The following C6orf62 variants were observed in gnomAD, a reference collection of about 807,000 sequenced individuals.
C6orf62 encodes the protein uncharacterized protein C6orf62.
In C6orf62, 16 loss-of-function variants were observed where a neutral mutation model predicts 26.8. That is an observed-to-expected ratio of 0.60 (90% CI 0.40 to 0.91). C6orf62 has a LOEUF of 0.91. Ranked by LOEUF, C6orf62 falls within the 40% of genes least tolerant of loss-of-function variation. The pLI is 0.00. For missense variants in C6orf62, 192 were observed against 271.4 expected (o/e 0.71, Z 2.06); for synonymous variants, 112 against 91.5 (o/e 1.22, Z -1.28).
Position 24,705,147 on chromosome 6 carries a change from G to C in C6orf62, c.*990C>G, listed in dbSNP as rs1778982300. 1 of 150,582 alleles carries C rather than the reference G, an allele frequency of 6.6e-6. No homozygotes were observed. Among genetic ancestry groups the C allele is most frequent in the African/African-American group, 2.4e-5 (1 of 40,966 alleles). 9.3% of individuals were successfully genotyped at this position (150,582 alleles called of 1,614,324 possible). On this transcript the variant is annotated 3_prime_UTR_variant, in exon 5 of 5. Transcript: ENST00000378119. ...AAATGAGTTCTGCTTTTAGAACTTT[G>C]ACACTCAATGGTTAATTTTACAATT...
Position 24,705,299 on chromosome 6 carries a change from CTT to C in C6orf62, c.*836_*837del, listed in dbSNP as rs1448318990. 5 of 152,394 alleles carry C rather than the reference CTT, an allele frequency of 3.3e-5. No individual in the cohort carries two copies. The highest frequency in any genetic ancestry group is 4.8e-5 in the African/African-American group (2 of 41,328). The allele number at this position is 152,394 out of a possible 1,614,324, so 9.4% of individuals were successfully genotyped here. Reference sequence around the variant, plus strand: ...ATTTTTTTCTTTGTAATAAAAATCTCTTCTCTGTAAAACCAAAAACAAAACAA... The same window carrying C: ...ATTTTTTTCTTTGTAATAAAAATCTCCTCTGTAAAACCAAAAACAAAACAA... On this transcript the variant is annotated 3_prime_UTR_variant, in exon 5 of 5. Transcript: ENST00000378119.
chr6:24,712,400 G>T (rs1779138686), intron 3 of C6orf62, among the ~76,000 whole-genome samples: 1 of 151,842 alleles, frequency 6.6e-6, no homozygotes, highest in East Asian at 1.9e-4. Flanking sequence ...GACGGGCATG[G>T]TGGCTCATAC....
chr6:24,707,889 T>TA (rs1422874880), intron 4 of C6orf62, among the ~76,000 whole-genome samples: 1 of 151,628 alleles, frequency 6.6e-6, no homozygotes, highest in African/African-American at 2.4e-5. Flanking sequence ...CGGGCACCTG[T>TA]AGTCCCAGCT....
chr6:24,715,266 T>C (rs964955460), intron 2 of C6orf62, among the ~76,000 whole-genome samples: 1 of 152,182 alleles, frequency 6.6e-6, no homozygotes, highest in African/African-American at 2.4e-5. Flanking sequence ...ATCTCCAGCA[T>C]TCTCCCCAAG....
At chr6:24,719,173 AAAC>A, upstream of C6orf62, 1 of 985,498 alleles carries the variant, frequency 1.0e-6, no homozygotes, top group Non-Finnish European at 1.2e-6. Context: ...AAAAAAAAAA[AAAC>A]TCACCAAAAC....
At chr6:24,719,460 G>C (rs1779308008), upstream of C6orf62, 1 of 1,091,120 alleles carries the variant, frequency 9.2e-7, no homozygotes, top group African/African-American at 1.7e-5. Flanking sequence ...GCCCAAAGGA[G>C]CCATGAGAAA....
intron 3 of C6orf62, among the ~76,000 whole-genome samples, chr6:24,710,873 T>G (rs1779107740): frequency 6.6e-6 from 1 of 151,954 alleles, no homozygotes; most frequent in African/African-American, 2.4e-5. Context: ...ACACCTGTGG[T>G]CCCAGCTACT....
chr6:24,708,240 G>A (rs1779050578), intron 4 of C6orf62, among the ~76,000 whole-genome samples: 1 of 129,054 alleles, frequency 7.7e-6, no homozygotes, highest in African/African-American at 3.1e-5. Context: ...CGAAGGAGGT[G>A]GGTTTTTTCC....
intron 3 of C6orf62, among the ~76,000 whole-genome samples, chr6:24,713,860 AAGGTT>A (rs1779173799): frequency 2.0e-5 from 3 of 152,340 alleles, no homozygotes; most frequent in South Asian, 4.1e-4. Flanking sequence ...GCAAGATTTT[AAGGTT>A]AAGAATGACT....
chr6:24,720,237 G>C (rs1369444722), upstream of C6orf62: 1 of 1,309,884 alleles, frequency 7.6e-7, no homozygotes, highest in African/African-American at 1.5e-5. Context: ...GGCGGGGTTT[G>C]GGCCCTCTAG....
In C6orf62 at chr6:24,714,363, C is replaced by G. The variant is rs753791343; in HGVS notation, c.384G>C (p.Leu128=). ...CATCAGATTCTTTCCACCTAGAAAA[C>G]AGGAGACAGACGATTTTTTCAATAT... ...RNDIEKIVCL[L]FSRWKESDEP... The change falls in exon 3 of 5, where the codon CTG becomes CTC. Residue 128 remains leucine, a synonymous_variant. Transcript: ENST00000378119. 2.7e-5 allele frequency: 43 copies of G among 1,611,874 alleles called. No homozygotes were observed. The highest frequency in any genetic ancestry group is 3.5e-5 in the Non-Finnish European group (41 of 1,179,114).
Position 24,706,044 on chromosome 6 carries a change from T to G in C6orf62, c.*93A>C. 1 of 1,523,074 alleles carries G rather than the reference T, an allele frequency of 6.6e-7. No homozygotes were observed. The highest frequency in any genetic ancestry group is 8.8e-7 in the Non-Finnish European group (1 of 1,132,058). The allele number at this position is 1,523,074 out of a possible 1,614,324, so 94.3% of individuals were successfully genotyped here. A position where few individuals can be genotyped will look rare whatever the true frequency, so the allele number is the denominator to read the frequency against. On this transcript the variant is annotated 3_prime_UTR_variant, in exon 5 of 5. Coordinates refer to ENST00000378119, the MANE Select transcript of C6orf62 (RefSeq NM_030939.5). ...ATAGTGTTCTGTGCATGAGTCCATT[T>G]TCTTTAAACTCTGAAAGAATAAAGT... is the stretch of plus-strand genomic sequence containing the variant.
chr6:24,718,726 T>C lies in C6orf62; in HGVS notation c.-58A>G, dbSNP rs1375631960. On this transcript the variant is annotated 5_prime_UTR_variant, in exon 1 of 5. Coordinates refer to ENST00000378119, the MANE Select transcript of C6orf62 (RefSeq NM_030939.5). ...AATTGTCACTAAACTATGGGCACTT[T>C]TTCTTAAGACTCAAGTACAACAGAA... is the stretch of plus-strand genomic sequence containing the variant. 7 of 1,598,350 alleles carry C rather than the reference T, an allele frequency of 4.4e-6. No homozygotes were observed. Among genetic ancestry groups the C allele is most frequent in the Non-Finnish European group, 5.9e-6 (7 of 1,176,584 alleles).
Position 24,719,114 on chromosome 6 carries a change from G to A in C6orf62, c.-446C>T, listed in dbSNP as rs1406132298. On this transcript the variant is annotated 5_prime_UTR_variant, in exon 1 of 5. Transcript: ENST00000378119. ...GGATTTTCCCCCCTTTTTAGAAAAG[G>A]GATTAAGGAACAGGGAGGGGGAAGT... 3 of 984,976 alleles carry A rather than the reference G, an allele frequency of 3.0e-6. No homozygotes were observed. Among genetic ancestry groups the A allele is most frequent in the South Asian group, 4.5e-5 (1 of 22,318 alleles). 61.0% of individuals were successfully genotyped at this position (984,976 alleles called of 1,614,324 possible).
chr6:24,707,877 G>A lies in C6orf62; in HGVS notation c.564+900C>T, dbSNP rs377381801. 5.7e-4 allele frequency among the ~76,000 whole-genome samples: 86 copies of A among 151,942 alleles called. No individual in the cohort carries two copies. The South Asian group carries it at 0.016, about 29-fold the overall frequency. ...AAAAAAAAAATTAGCTGGGCGTGGT[G>A]GCGGGCACCTGTAGTCCCAGCTACT... On this transcript the variant is annotated intron_variant, in intron 4 of 4. Transcript: ENST00000378119.
At chr6:24,707,386 TCTCGCTGCATTA>T (rs1779030207) in intron 4 of C6orf62, among the ~76,000 whole-genome samples, 1 of 148,316 alleles carries the variant, frequency 6.7e-6, no homozygotes, top group African/African-American at 2.5e-5. Flanking sequence ...TGAGATGGGG[TCTCGCTGCATTA>T]CTCAGGCAGG....
Position 24,706,266 on chromosome 6 carries a change from G to C in C6orf62, c.565-4C>G. The C allele has an allele frequency of 6.2e-7, 1 of 1,613,968 alleles. No homozygotes were observed. Among genetic ancestry groups the C allele is most frequent in the Non-Finnish European group, 8.5e-7 (1 of 1,179,956 alleles). ...TTGTAGCTTTGTTTTTTGGAGTCTG[G>C]AAGGGGAAAACATTTTAATATTTTT... On this transcript the variant is annotated splice_region_variant and splice_polypyrimidine_tract_variant and intron_variant, in intron 4 of 4. Transcript: ENST00000378119.
In C6orf62 at chr6:24,715,458, A is replaced by C. The variant is rs141449073; in HGVS notation, c.306+690T>G. 9.8e-5 allele frequency among the ~76,000 whole-genome samples: 15 copies of C among 152,368 alleles called. No homozygotes were observed. In the East Asian group the frequency reaches 2.5e-3, roughly 25 times the overall value. ...CACAATATTATGAGCCTAATACAAC[A>C]AAGTTGTCCATGTTTTACTCAAGGT... On this transcript the variant is annotated intron_variant, in intron 2 of 4. Coordinates refer to ENST00000378119, the MANE Select transcript of C6orf62 (RefSeq NM_030939.5).
intron 3 of C6orf62, 121 bp downstream of exon 3, chr6:24,714,197 G>T (rs1779178769): frequency 2.8e-6 from 2 of 709,468 alleles, no homozygotes; most frequent in Non-Finnish European, 4.5e-6. Flanking sequence ...TCTAAATAGG[G>T]GAGACTCGTG....
Sources: gnomAD v4.1 joint callset for allele counts (sites outside exome capture counted in the v4.1 genomes callset) on GRCh38, gnomAD v4.1.1 for gene constraint, MANE v1.5 for transcripts, NCBI Gene and HGNC (gene_info 2026-07-23, HGNC 2026-07-21) for gene names.